The following SPATA6 variants were observed in gnomAD, a reference collection of about 807,000 sequenced individuals.
The protein encoded by SPATA6 is spermatogenesis associated 6, also known as spermatogenesis-associated protein 6.
In SPATA6, 56 loss-of-function variants were observed where a neutral mutation model predicts 65.3. That is an observed-to-expected ratio of 0.86 (90% CI 0.69 to 1.07). SPATA6 has a LOEUF of 1.07. SPATA6 is among the 50% of genes least tolerant of loss of function. The pLI is 0.00. For synonymous variants in SPATA6, 199 were observed against 213.2 expected (o/e 0.93, Z 0.58); for missense variants, 590 against 594.8 (o/e 0.99, Z 0.08).
chr1:48,307,133 G>T (rs56078042), intron 11 of SPATA6, among the ~76,000 whole-genome samples: 1 of 151,500 alleles, frequency 6.6e-6, no homozygotes, highest in African/African-American at 2.4e-5. Context: ...ATTGCCTGTA[G>T]TGAGTGTGAA....
At chr1:48,340,680 T>C (rs1646190736) in intron 11 of SPATA6, among the ~76,000 whole-genome samples, 1 of 151,924 alleles carries the variant, frequency 6.6e-6, no homozygotes. Flanking sequence ...TCAGATAGTA[T>C]ACAAATCCAA....
chr1:48,340,633 T>C (rs540529283), intron 11 of SPATA6, among the ~76,000 whole-genome samples: 1 of 151,722 alleles, frequency 6.6e-6, no homozygotes, highest in East Asian at 1.9e-4. Flanking sequence ...TCAAATAAAG[T>C]ATGAAGGAGA....
chr1:48,286,987 C>G, the SPATA6 span, among the ~76,000 whole-genome samples: 1 of 147,758 alleles, frequency 6.8e-6, no homozygotes, highest in Non-Finnish European at 1.5e-5. Flanking sequence ...TGCAGTGAGC[C>G]GAGATCACGC....
At chr1:48,446,956 G>C (rs752134294) in intron 3 of SPATA6, among the ~76,000 whole-genome samples, 2 of 151,840 alleles carry the variant, frequency 1.3e-5, no homozygotes, top group African/African-American at 4.8e-5. Flanking sequence ...ACTGAGACGC[G>C]AGACCAACCT....
intron 2 of SPATA6, 140 bp downstream of exon 2, chr1:48,452,854 G>T: frequency 9.7e-7 from 1 of 1,033,136 alleles, no homozygotes; most frequent in Non-Finnish European, 1.3e-6. Context: ...CAAGCTTCCA[G>T]GCTTAGGTTA....
At chr1:48,308,000 G>T (rs919277346) in intron 11 of SPATA6, among the ~76,000 whole-genome samples, 1 of 151,810 alleles carries the variant, frequency 6.6e-6, no homozygotes, top group Non-Finnish European at 1.5e-5. Flanking sequence ...ATCTCTTGTA[G>T]ACAGAATATA....
chr1:48,459,538 T>A (rs536597176), intron 1 of SPATA6, among the ~76,000 whole-genome samples: 1 of 152,076 alleles, frequency 6.6e-6, no homozygotes, highest in African/African-American at 2.4e-5. Context: ...TTTCAATAAC[T>A]AACAAAAATA....
chr1:48,287,608 T>TTC, the SPATA6 span, among the ~76,000 whole-genome samples: 8 of 151,542 alleles, frequency 5.3e-5, no homozygotes, highest in African/African-American at 1.7e-4. Context: ...GGCCTCTCCC[T>TTC]TCTCTCTCTC....
At chr1:48,287,084 G>T in the SPATA6 span, among the ~76,000 whole-genome samples, 1 of 151,398 alleles carries the variant, frequency 6.6e-6, no homozygotes, top group African/African-American at 2.4e-5. Context: ...CTGTTTTGCA[G>T]GCTGTAAGGG....
At chr1:48,270,137 G>C in the SPATA6 span, among the ~76,000 whole-genome samples, 3 of 152,024 alleles carry the variant, frequency 2.0e-5, no homozygotes, top group Admixed American at 6.6e-5. Context: ...AGGTGACTGG[G>C]GTTCCAGAGG....
chr1:48,267,156 G>A, the SPATA6 span, among the ~76,000 whole-genome samples: 1 of 152,124 alleles, frequency 6.6e-6, no homozygotes, highest in South Asian at 2.1e-4. Flanking sequence ...TGCGATGGGA[G>A]TGTGGCTCAC....
chr1:48,331,697 G>A (rs900899019), intron 11 of SPATA6, among the ~76,000 whole-genome samples: 2 of 152,104 alleles, frequency 1.3e-5, no homozygotes, highest in African/African-American at 4.8e-5. Flanking sequence ...TAGAGAGGCC[G>A]ATATTCAAAT....
the SPATA6 span, among the ~76,000 whole-genome samples, chr1:48,289,942 G>A: frequency 2.0e-5 from 3 of 152,184 alleles, no homozygotes; most frequent in Admixed American, 6.5e-5. Context: ...ATATTATCTA[G>A]GAGAACTTCC....
intron 3 of SPATA6, among the ~76,000 whole-genome samples, chr1:48,448,973 T>G (rs1475308686): frequency 4.6e-5 from 7 of 152,166 alleles, no homozygotes; most frequent in African/African-American, 7.2e-5. Context: ...CACAATTGTA[T>G]AAATTTTCTA....
the SPATA6 span, among the ~76,000 whole-genome samples, chr1:48,277,401 GGGTCAGGGA>G: frequency 6.6e-6 from 1 of 152,246 alleles, no homozygotes; most frequent in Non-Finnish European, 1.5e-5. Context: ...GAAGCGCAAG[GGGTCAGGGA>G]GTTCCCTTTC....
intron 5 of SPATA6, among the ~76,000 whole-genome samples, chr1:48,409,506 G>C (rs1271600713): frequency 2.6e-5 from 4 of 152,222 alleles, no homozygotes; most frequent in African/African-American, 9.7e-5. Flanking sequence ...TCTTCTCACA[G>C]CTCCACTAGG....
chr1:48,263,183 T>C, the SPATA6 span: 2 of 152,196 alleles, frequency 1.3e-5, no homozygotes, highest in Non-Finnish European at 2.9e-5. Context: ...TAAAATGATA[T>C]CTAAAGCTCT....
chr1:48,431,264 C>T (rs1194461750), intron 3 of SPATA6, among the ~76,000 whole-genome samples: 2 of 151,990 alleles, frequency 1.3e-5, no homozygotes, highest in African/African-American at 4.8e-5. Context: ...CATAAAAATA[C>T]ATGAAACAAA....
At chr1:48,337,465 C>T (rs1646091323) in intron 11 of SPATA6, among the ~76,000 whole-genome samples, 1 of 151,630 alleles carries the variant, frequency 6.6e-6, no homozygotes, top group Admixed American at 6.6e-5. Context: ...TTGAATAAGA[C>T]AAGAAACTGT....
Sources: allele counts gnomAD v4.1 joint callset (sites outside exome capture counted in the v4.1 genomes callset), GRCh38; gene constraint gnomAD v4.1.1; transcripts MANE v1.5; gene names NCBI Gene and HGNC (gene_info 2026-07-23, HGNC 2026-07-21).